Variants in ZNF423 observed in about 807,000 individuals in gnomAD.
ZNF423 encodes zinc finger protein 423, also known as Ebf-associated zinc finger protein.
ZNF423 carries 12 observed loss-of-function variants against 95.8 expected under a neutral mutation model. The ratio of observed to expected loss-of-function variants is 0.13; its 90% confidence interval spans 0.08 to 0.20. The LOEUF (loss-of-function observed/expected upper bound fraction) is 0.20, where lower values mean the gene tolerates loss of function less well. Among genes scored for constraint, ZNF423 ranks in the 10% least tolerant of loss-of-function variants. The probability of loss-of-function intolerance (pLI) is 1.00; values close to 1 mark genes in which losing one functional copy is unlikely to be tolerated. For synonymous variants in ZNF423, 749 were observed against 711.9 expected (o/e 1.05, Z -0.83); for missense variants, 1,316 against 1,737.1 (o/e 0.76, Z 4.31).
chr16:49,569,696 T>C (rs1455740940), intron 5 of ZNF423, among the ~76,000 whole-genome samples: 3 of 152,308 alleles, frequency 2.0e-5, no homozygotes, highest in South Asian at 2.1e-4. Context: ...GCTGGTTGTG[T>C]GGTGTATCCC....
At chr16:49,765,159 A>T (rs1444829552) in intron 2 of ZNF423, among the ~76,000 whole-genome samples, 2 of 152,134 alleles carry the variant, frequency 1.3e-5, no homozygotes, top group Admixed American at 1.3e-4. Context: ...AAGTAACCCC[A>T]TGAGCCAGCA....
intron 3 of ZNF423, among the ~76,000 whole-genome samples, chr16:49,662,896 C>A (rs2030319570): frequency 6.6e-6 from 1 of 152,190 alleles, no homozygotes; most frequent in Non-Finnish European, 1.5e-5. Context: ...AGGCATGTGC[C>A]CTGCCTTCTA....
chr16:49,667,354 T>C (rs2030594740), intron 3 of ZNF423, among the ~76,000 whole-genome samples: 1 of 152,176 alleles, frequency 6.6e-6, no homozygotes, highest in African/African-American at 2.4e-5. Flanking sequence ...GAGCTAGCCA[T>C]TTGGTGACTT....
At chr16:49,524,011 T>C (rs1009994999) in intron 6 of ZNF423, among the ~76,000 whole-genome samples, 2 of 152,142 alleles carry the variant, frequency 1.3e-5, no homozygotes, top group African/African-American at 4.8e-5. Context: ...TTATAATATG[T>C]CCCTAGCTGG....
At chr16:49,686,444 A>G (rs953579154) in intron 3 of ZNF423, among the ~76,000 whole-genome samples, 2 of 152,130 alleles carry the variant, frequency 1.3e-5, no homozygotes, top group Admixed American at 1.3e-4. Flanking sequence ...AGCCTCAGGT[A>G]TCATGTACAA....
chr16:49,535,488 C>T (rs1197904571), intron 5 of ZNF423, among the ~76,000 whole-genome samples: 1 of 152,122 alleles, frequency 6.6e-6, no homozygotes, highest in Non-Finnish European at 1.5e-5. Context: ...GATCAGGTCC[C>T]GGACATAACA....
intron 1 of ZNF423, among the ~76,000 whole-genome samples, chr16:49,820,872 C>T (rs1005184414): frequency 6.6e-6 from 1 of 152,170 alleles, no homozygotes; most frequent in African/African-American, 2.4e-5. Flanking sequence ...AGACTTGATC[C>T]CCACAATTGG....
intron 5 of ZNF423, among the ~76,000 whole-genome samples, chr16:49,564,736 C>T (rs556377285): frequency 2.0e-5 from 3 of 152,304 alleles, no homozygotes; most frequent in African/African-American, 7.2e-5. Flanking sequence ...TGTCCTTATT[C>T]ACCCAACTCC....
chr16:49,855,606 G>A lies in ZNF423; in HGVS notation c.40+129C>T, dbSNP rs1281329316. ...CGCCTCCGCCTCCGCCTCCTCTGCC[G>A]CCTCCTCCTCCTCCTCTCGGCTCGC... On this transcript the variant is annotated intron_variant, in intron 1 of 7. Transcript: ENST00000563137. The surrounding 1 kb of genome is among the most constrained non-coding windows in gnomAD (Gnocchi z 4.7). 5.7e-5 allele frequency: 10 copies of A among 175,182 alleles called. No individual in the cohort carries two copies. The highest frequency in any genetic ancestry group is 3.5e-4 in the East Asian group (2 of 5,734). The allele number at this position is 175,182 out of a possible 1,614,324, so 10.9% of individuals were successfully genotyped here.
intron 3 of ZNF423, among the ~76,000 whole-genome samples, chr16:49,728,467 G>A (rs973937613): frequency 6.6e-6 from 1 of 152,154 alleles, no homozygotes; most frequent in African/African-American, 2.4e-5. Context: ...TCATTAGCAG[G>A]GTCCTGTTAG....
At chr16:49,676,776 G>T (rs2031067710) in intron 3 of ZNF423, among the ~76,000 whole-genome samples, 2 of 152,230 alleles carry the variant, frequency 1.3e-5, no homozygotes, top group Non-Finnish European at 2.9e-5. Context: ...ATGCCACGGG[G>T]CTGGCAAAGC....
At chr16:49,662,374 A>C (rs1338059338) in intron 3 of ZNF423, among the ~76,000 whole-genome samples, 1 of 152,222 alleles carries the variant, frequency 6.6e-6, no homozygotes, top group Non-Finnish European at 1.5e-5. Context: ...AGGGACAGGA[A>C]TAACAGGACC....
intron 2 of ZNF423, among the ~76,000 whole-genome samples, chr16:49,755,113 C>A (rs529609296): frequency 6.6e-6 from 1 of 152,296 alleles, no homozygotes; most frequent in East Asian, 1.9e-4. Context: ...TGGCTGGGAG[C>A]GGTCAAGCCC....
intron 5 of ZNF423, among the ~76,000 whole-genome samples, chr16:49,560,664 A>G (rs540959435): frequency 1.3e-5 from 2 of 152,310 alleles, no homozygotes; most frequent in South Asian, 2.1e-4. Flanking sequence ...CAGGGACCTT[A>G]TGAAAGTGGA....
chr16:49,816,064 G>A lies in ZNF423; in HGVS notation c.41-26518C>T, dbSNP rs543580175. Among the ~76,000 whole-genome samples the A allele has an allele frequency of 9.3e-5, 14 of 150,736 alleles. No individual in the cohort carries two copies. The East Asian group carries it at 1.4e-3, about 15-fold the overall frequency. ...CTCCTGGGTAGCTGGAATTACAAGC[G>A]CCCGCCACTACGCCGGGCTAATTTT... On this transcript the variant is annotated intron_variant, in intron 1 of 7. Coordinates refer to ENST00000563137, the MANE Select transcript of ZNF423 (RefSeq NM_001379286.1).
At position 49,635,060 on chromosome 16, in the gene ZNF423, C is replaced by T. The variant is rs529312957; in HGVS notation, c.3516+600G>A. On this transcript the variant is annotated intron_variant, in intron 4 of 7. Transcript: ENST00000563137. The surrounding 1 kb of genome is among the most constrained non-coding windows in gnomAD (Gnocchi z 4.8). ...TGAAACCACATCAAAGGGCCTTCCA[C>T]ATACCAGCAACTGCACTAACTGAAA... Among the ~76,000 whole-genome samples, 1 of 152,370 alleles carries T rather than the reference C, an allele frequency of 6.6e-6. No individual in the cohort carries two copies. The highest frequency in any genetic ancestry group is 6.5e-5 in the Admixed American group (1 of 15,314).
intron 1 of ZNF423, among the ~76,000 whole-genome samples, chr16:49,809,682 G>C (rs2034721349): frequency 6.6e-6 from 1 of 152,202 alleles, no homozygotes; most frequent in Non-Finnish European, 1.5e-5. Context: ...AGAGGGGAGA[G>C]GTGGGGACCC....
chr16:49,736,111 T>G lies in ZNF423; in HGVS notation c.101-5140A>C, dbSNP rs932976338. Among the ~76,000 whole-genome samples the G allele has an allele frequency of 2.0e-5, 3 of 152,218 alleles. No individual in the cohort carries two copies. The East Asian group carries it at 5.8e-4, about 29-fold the overall frequency. ...TAGTAGGGGCTCAATAAATGTTGAA[T>G]GAATGGATGAGTGAATTAATTGATT... On this transcript the variant is annotated intron_variant, in intron 2 of 7. Transcript: ENST00000563137.
intron 5 of ZNF423, among the ~76,000 whole-genome samples, chr16:49,557,690 C>T (rs1350655353): frequency 6.6e-6 from 1 of 152,156 alleles, no homozygotes; most frequent in Non-Finnish European, 1.5e-5. Context: ...CTTCTGAAGG[C>T]ACAGCACTGA....
Sources: allele counts gnomAD v4.1 joint callset (sites outside exome capture counted in the v4.1 genomes callset), GRCh38; gene constraint gnomAD v4.1.1; non-coding constraint Gnocchi (gnomAD v3.1); transcripts MANE v1.5; gene names NCBI Gene and HGNC (gene_info 2026-07-23, HGNC 2026-07-21).